The following DPP10 variants were observed in gnomAD, a reference collection of about 807,000 sequenced individuals.
DPP10 encodes dipeptidyl peptidase like 10.
Under a neutral mutation model 120.9 loss-of-function variants are expected in DPP10, and 33 were observed. The observed-to-expected ratio is 0.27, with a 90% CI of 0.21 to 0.37. DPP10 has a LOEUF of 0.37. Among genes scored for constraint, DPP10 ranks in the 10% least tolerant of loss-of-function variants. DPP10 has a pLI of 1.00. For missense variants in DPP10, 816 were observed against 942.8 expected (o/e 0.87, Z 1.76); for synonymous variants, 337 against 326.1 (o/e 1.03, Z -0.36).
At chr2:115,840,048 T>C (rs1011893668) in intron 24 of DPP10, among the ~76,000 whole-genome samples, 1 of 152,064 alleles carries the variant, frequency 6.6e-6, no homozygotes, top group African/African-American at 2.4e-5. Flanking sequence ...CAAAATGAAA[T>C]AGATAGCTGG....
chr2:114,507,042 TTTTTTTTC>T, intron 1 of DPP10, among the ~76,000 whole-genome samples: 1 of 136,798 alleles, frequency 7.3e-6, no homozygotes, highest in African/African-American at 3.0e-5. Flanking sequence ...TTTTTTTTCT[TTTTTTTTC>T]TTTTTTTTTT....
chr2:115,655,236 T>A (rs1247612399), intron 5 of DPP10, among the ~76,000 whole-genome samples: 1 of 151,636 alleles, frequency 6.6e-6, no homozygotes, highest in Non-Finnish European at 1.5e-5. Context: ...TAATTATAGA[T>A]ATTTGGCCGA....
At chr2:114,677,022 A>T (rs1429669776) in intron 1 of DPP10, among the ~76,000 whole-genome samples, 1 of 152,136 alleles carries the variant, frequency 6.6e-6, no homozygotes, top group African/African-American at 2.4e-5. Context: ...ATTTGAATTG[A>T]CAGAACTAAA....
chr2:115,525,218 A>G (rs1394099075), intron 4 of DPP10, among the ~76,000 whole-genome samples: 1 of 152,120 alleles, frequency 6.6e-6, no homozygotes, highest in African/African-American at 2.4e-5. Flanking sequence ...TTAGACGTGA[A>G]TTAGACAAAT....
intron 1 of DPP10, 65 bp from the exon 2 acceptor site, chr2:115,309,174 T>A: frequency 7.8e-7 from 1 of 1,277,492 alleles, no homozygotes; most frequent in Non-Finnish European, 1.1e-6. Context: ...ACTGAATCAT[T>A]CCTTTATGAA....
chr2:115,101,996 C>T (rs1217485873), intron 1 of DPP10, among the ~76,000 whole-genome samples: 1 of 152,218 alleles, frequency 6.6e-6, no homozygotes, highest in Non-Finnish European at 1.5e-5. Context: ...CATAGAGTTA[C>T]ATAAAAAAGT....
At chr2:115,449,391 A>G (rs1055663108) in intron 3 of DPP10, among the ~76,000 whole-genome samples, 15 of 152,092 alleles carry the variant, frequency 9.9e-5, no homozygotes, top group African/African-American at 3.4e-4. Context: ...TGAGGAGTCT[A>G]GAGTCTACTT....
intron 7 of DPP10, among the ~76,000 whole-genome samples, chr2:115,705,974 T>C (rs996399153): frequency 2.0e-5 from 3 of 151,756 alleles, no homozygotes; most frequent in African/African-American, 7.3e-5. Context: ...GGGATAAGTC[T>C]GTTTGGGTTT....
At chr2:114,781,317 G>T (rs1421886173) in intron 1 of DPP10, among the ~76,000 whole-genome samples, 3 of 152,136 alleles carry the variant, frequency 2.0e-5, no homozygotes, top group Non-Finnish European at 2.9e-5. Flanking sequence ...GAGGCTAGTT[G>T]CTTTTAGCTG....
intron 1 of DPP10, among the ~76,000 whole-genome samples, chr2:114,503,957 A>G (rs955661436): frequency 3.9e-5 from 6 of 152,360 alleles, no homozygotes; most frequent in African/African-American, 1.4e-4. Flanking sequence ...AAGAATCACA[A>G]GTAGTAAAGA....
intron 1 of DPP10, among the ~76,000 whole-genome samples, chr2:114,885,426 C>T (rs1691988301): frequency 6.6e-6 from 1 of 152,202 alleles, no homozygotes; most frequent in Non-Finnish European, 1.5e-5. Flanking sequence ...CCGGGGATTA[C>T]AATTCAACAT....
At position 114,880,835 on chromosome 2, in the gene DPP10, G is replaced by A. The variant is rs147363216; in HGVS notation, c.61-428404G>A. Reference sequence around the variant, plus strand: ...AGAAATCAATTTCAAAACCCAGTGCGATGCGGATGTGGTGGAATTGTATGC... The same window carrying A: ...AGAAATCAATTTCAAAACCCAGTGCAATGCGGATGTGGTGGAATTGTATGC... On this transcript the variant is annotated intron_variant, in intron 1 of 25. Transcript: ENST00000410059. Among the ~76,000 whole-genome samples, 247 of 152,262 alleles carry A rather than the reference G, an allele frequency of 1.6e-3. 1 individual carries two copies. Among genetic ancestry groups the A allele is most frequent in the South Asian group, 2.9e-3 (14 of 4,826 alleles).
chr2:115,377,981 T>C, intron 3 of DPP10, among the ~76,000 whole-genome samples: 1 of 151,332 alleles, frequency 6.6e-6, no homozygotes. Flanking sequence ...TGAAGTCAGG[T>C]AGTGTGATGC....
intron 1 of DPP10, among the ~76,000 whole-genome samples, chr2:114,674,345 T>G (rs1698536187): frequency 6.6e-6 from 1 of 152,116 alleles, no homozygotes; most frequent in African/African-American, 2.4e-5. Flanking sequence ...AATATTCCAT[T>G]AAATGATTTT....
intron 1 of DPP10, among the ~76,000 whole-genome samples, chr2:115,193,369 G>A (rs371314235): frequency 2.6e-5 from 4 of 152,072 alleles, no homozygotes; most frequent in African/African-American, 4.8e-5. Context: ...TATGTCTGTG[G>A]ACTAGACTGC....
In DPP10 at chr2:115,627,333, G is replaced by A. The variant is rs2085444591; in HGVS notation, c.442-62354G>A. Among the ~76,000 whole-genome samples, 4 of 151,892 alleles carry A rather than the reference G, an allele frequency of 2.6e-5. No homozygotes were observed. In the South Asian group the frequency reaches 8.3e-4, roughly 31 times the overall value. On this transcript the variant is annotated intron_variant, in intron 5 of 25. Coordinates refer to ENST00000410059, the MANE Select transcript of DPP10 (RefSeq NM_020868.6). ...TCATACACATTCATACTCACATATG[G>A]CATACATATATATACTCTCAGCTAG... is the stretch of plus-strand genomic sequence containing the variant.
intron 1 of DPP10, among the ~76,000 whole-genome samples, chr2:114,444,063 A>G (rs981012318): frequency 6.6e-6 from 1 of 152,196 alleles, no homozygotes; most frequent in Non-Finnish European, 1.5e-5. Context: ...TTAGATTCCC[A>G]TCATACATAA....
Position 115,429,864 on chromosome 2 carries a change from G to A in DPP10, c.272-69646G>A, listed in dbSNP as rs752681232. 2.7e-4 allele frequency among the ~76,000 whole-genome samples: 41 copies of A among 152,134 alleles called. 1 individual carries two copies. Among genetic ancestry groups the A allele is most frequent in the Admixed American group, 6.5e-5 (1 of 15,272 alleles). ...TTTCACACTCTGTTGAAAAAGTAAC[G>A]CCTATAGTAGAATGTTCACTTCTTG... On this transcript the variant is annotated intron_variant, in intron 3 of 25. Coordinates refer to ENST00000410059, the MANE Select transcript of DPP10 (RefSeq NM_020868.6).
intron 13 of DPP10, among the ~76,000 whole-genome samples, chr2:115,775,302 G>C (rs771094720): frequency 2.6e-5 from 4 of 151,864 alleles, no homozygotes; most frequent in Middle Eastern, 3.5e-3. Context: ...CAAATAGTAA[G>C]TTATTTGGAA....
Sources: allele counts gnomAD v4.1 joint callset (sites outside exome capture counted in the v4.1 genomes callset), GRCh38; gene constraint gnomAD v4.1.1; transcripts MANE v1.5; gene names NCBI Gene and HGNC (gene_info 2026-07-23, HGNC 2026-07-21).